Variants in PRICKLE2 observed in about 807,000 individuals in gnomAD.
The protein encoded by PRICKLE2 is prickle planar cell polarity protein 2.
Under a neutral mutation model 81.4 loss-of-function variants are expected in PRICKLE2, and 21 were observed. The observed-to-expected ratio is 0.26, with a 90% confidence interval of 0.18 to 0.37. The LOEUF (loss-of-function observed/expected upper bound fraction) is 0.37. Among genes scored for constraint, PRICKLE2 ranks in the 10% least tolerant of loss-of-function variants. The pLI, the probability that PRICKLE2 is intolerant of heterozygous loss-of-function variation, is 1.00. For missense variants in PRICKLE2, 940 were observed against 1,109.0 expected (o/e 0.85, Z 2.16); for synonymous variants, 456 against 421.5 (o/e 1.08, Z -1.00).
Position 64,253,668 on chromosome 3 carries a change from C to T in PRICKLE2, c.129-54701G>A, listed in dbSNP as rs779397961. 3.1e-4 allele frequency among the ~76,000 whole-genome samples: 47 copies of T among 152,112 alleles called. 1 individual carries two copies. Among genetic ancestry groups the T allele is most frequent in the Admixed American group, 2.3e-3 (35 of 15,276 alleles). On this transcript the variant is annotated intron_variant, in intron 2 of 8. Transcript: ENST00000295902. ...ATGAGACAAGTGCTGGATCTGCTGACGGAATCTGCAATCTCTCATCCAGGC... is the reference window on the plus strand; with the variant it reads ...ATGAGACAAGTGCTGGATCTGCTGATGGAATCTGCAATCTCTCATCCAGGC...
At chr3:64,127,343 C>T (rs1319482300) in intron 7 of PRICKLE2, among the ~76,000 whole-genome samples, 1 of 152,158 alleles carries the variant, frequency 6.6e-6, no homozygotes, top group Non-Finnish European at 1.5e-5. Context: ...CACCTTTGTC[C>T]ACGGTCACTC....
intron 7 of PRICKLE2, among the ~76,000 whole-genome samples, chr3:64,122,311 C>T (rs1452981629): frequency 6.6e-6 from 1 of 152,144 alleles, no homozygotes; most frequent in Non-Finnish European, 1.5e-5. Context: ...CACTAGCCCA[C>T]CCTTTGCCCC....
In PRICKLE2 at chr3:64,098,846, T is replaced by G. The variant is rs1411727792; in HGVS notation, c.*205A>C. On this transcript the variant is annotated 3_prime_UTR_variant, in exon 8 of 8. Transcript: ENST00000638394. ...GATAGAGTCTACTGTGTTTCCAAAG[T>G]GAAATGTGCAAATAATATTCAACAT... is the stretch of plus-strand genomic sequence containing the variant. 3.2e-6 allele frequency: 2 copies of G among 621,210 alleles called. No individual in the cohort carries two copies. The highest frequency in any genetic ancestry group is 5.7e-6 in the Non-Finnish European group (2 of 350,154). 38.5% of individuals were successfully genotyped at this position (621,210 alleles called of 1,614,324 possible). A position where few individuals can be genotyped will look rare whatever the true frequency, so the allele number is the denominator to read the frequency against.
chr3:64,155,757 C>A (rs904116216), intron 5 of PRICKLE2, among the ~76,000 whole-genome samples: 2 of 151,996 alleles, frequency 1.3e-5, no homozygotes, highest in Admixed American at 1.3e-4. Flanking sequence ...ACACGCTAAA[C>A]GAAAGAAACC....
chr3:64,121,696 G>A (rs1452387511), intron 7 of PRICKLE2, among the ~76,000 whole-genome samples: 1 of 152,180 alleles, frequency 6.6e-6, no homozygotes, highest in Non-Finnish European at 1.5e-5. Flanking sequence ...GTAGCCATGG[G>A]GGAGGGTGTT....
intron 2 of PRICKLE2, among the ~76,000 whole-genome samples, chr3:64,245,514 T>C (rs775009230): frequency 6.6e-6 from 1 of 152,194 alleles, no homozygotes; most frequent in South Asian, 2.1e-4. Context: ...CTCATAACAA[T>C]AGAAGATCTT....
intron 7 of PRICKLE2, chr3:64,102,167 G>C (rs993075119): frequency 1.3e-5 from 2 of 152,198 alleles, no homozygotes; most frequent in Admixed American, 6.5e-5. Context: ...AGGGTACGAG[G>C]GAAACATGGC....
intron 2 of PRICKLE2, among the ~76,000 whole-genome samples, chr3:64,256,857 CA>C (rs1203318839): frequency 7.2e-5 from 11 of 152,192 alleles, no homozygotes; most frequent in Admixed American, 2.0e-4. Context: ...CCTATCCCAT[CA>C]GTCACATATG....
chr3:64,194,656 A>T lies in PRICKLE2; in HGVS notation c.144+4128T>A, dbSNP rs562146346. On this transcript the variant is annotated intron_variant, in intron 2 of 7. Transcript: ENST00000638394. ...CTTATAGCTTGTTAATTATTTTCTA[A>T]GTTCCTATTTTAATATTATCTACTG... is the stretch of plus-strand genomic sequence containing the variant. Among the ~76,000 whole-genome samples, 28 of 152,316 alleles carry T rather than the reference A, an allele frequency of 1.8e-4. No individual in the cohort carries two copies. In the South Asian group the frequency reaches 5.8e-3, roughly 32 times the overall value.
At chr3:64,168,475 C>T (rs2077872487) in intron 2 of PRICKLE2, among the ~76,000 whole-genome samples, 1 of 152,164 alleles carries the variant, frequency 6.6e-6, no homozygotes, top group East Asian at 1.9e-4. Context: ...AGCCTGTGGA[C>T]CACGGGTTGG....
chr3:64,202,724 T>A (rs553029271), intron 1 of PRICKLE2, among the ~76,000 whole-genome samples: 1 of 151,410 alleles, frequency 6.6e-6, no homozygotes, highest in South Asian at 2.1e-4. Context: ...AAATAGAGAG[T>A]TTTACTTTTT....
At chr3:64,114,723 T>C (rs1048679506) in intron 7 of PRICKLE2, among the ~76,000 whole-genome samples, 1 of 151,808 alleles carries the variant, frequency 6.6e-6, no homozygotes, top group African/African-American at 2.4e-5. Context: ...TATGGGATTA[T>C]GTAAAGGGAC....
chr3:64,192,185 C>T (rs55970308), intron 2 of PRICKLE2, among the ~76,000 whole-genome samples: 1,641 of 152,206 alleles, frequency 0.011, 22 homozygotes, highest in African/African-American at 0.032. Context: ...CAGTGTGATG[C>T]GACCTGAACA....
intron 2 of PRICKLE2, among the ~76,000 whole-genome samples, chr3:64,235,052 A>G (rs1272953950): frequency 1.3e-5 from 2 of 151,892 alleles, no homozygotes; most frequent in Non-Finnish European, 2.9e-5. Context: ...AGCTCTGTTT[A>G]TTTATTTTCA....
chr3:64,225,367 G>C lies in PRICKLE2; in HGVS notation c.-498C>G. 2 of 985,278 alleles carry C rather than the reference G, an allele frequency of 2.0e-6. No individual in the cohort carries two copies. Among genetic ancestry groups the C allele is most frequent in the Non-Finnish European group, 2.4e-6 (2 of 829,958 alleles). 61.0% of individuals were successfully genotyped at this position (985,278 alleles called of 1,614,324 possible). A position where few individuals can be genotyped will look rare whatever the true frequency, so the allele number is the denominator to read the frequency against. On this transcript the variant is annotated 5_prime_UTR_variant, in exon 1 of 8. Transcript: ENST00000638394. ...CGGGGTGACTAGTCAGCTGCTCACA[G>C]AGCTCAAGCCACTGAACCAGGAAAT...
chr3:64,241,768 G>A (rs1037224218), intron 2 of PRICKLE2, among the ~76,000 whole-genome samples: 49 of 152,258 alleles, frequency 3.2e-4, no homozygotes, highest in African/African-American at 1.1e-3. Flanking sequence ...GTGAGAGCAC[G>A]TCAGCAGTAC....
At chr3:64,153,129 C>T (rs1425769151) in intron 6 of PRICKLE2, 53 bp downstream of exon 6, 15 of 1,534,144 alleles carry the variant, frequency 9.8e-6, no homozygotes, top group African/African-American at 6.8e-5. Flanking sequence ...ACACCCAAAA[C>T]AAAGGTGACC....
At chr3:64,240,125 T>C (rs2079241715) in intron 2 of PRICKLE2, among the ~76,000 whole-genome samples, 2 of 152,016 alleles carry the variant, frequency 1.3e-5, no homozygotes, top group Admixed American at 1.3e-4. Context: ...TCTCAAAAAA[T>C]AAATAAAATT....
chr3:64,207,053 C>T (rs572652890), intron 1 of PRICKLE2, among the ~76,000 whole-genome samples: 13 of 152,170 alleles, frequency 8.5e-5, no homozygotes, highest in African/African-American at 3.1e-4. Context: ...GCACATGCCA[C>T]AATGCCCAGC....
Sources: allele counts gnomAD v4.1 joint callset (sites outside exome capture counted in the v4.1 genomes callset), GRCh38; gene constraint gnomAD v4.1.1; transcripts MANE v1.5; gene names NCBI Gene and HGNC (gene_info 2026-07-23, HGNC 2026-07-21).